MCC: variants seen among roughly 807,000 people sequenced by gnomAD.
MCC encodes the protein colorectal mutant cancer protein.
A neutral mutation model predicts 116.2 loss-of-function variants in MCC; 90 were observed. The ratio of observed to expected loss-of-function variants is 0.77; its 90% CI spans 0.65 to 0.92. The LOEUF (loss-of-function observed/expected upper bound fraction) is 0.92, where lower values mean the gene tolerates loss of function less well. Among genes scored for constraint, MCC ranks in the 40% least tolerant of loss-of-function variants. MCC has a pLI of 0.00. For missense variants in MCC, 1,516 were observed against 1,312.2 expected, an observed-to-expected ratio of 1.16 and a Z score of -2.40; for synonymous variants, 578 against 510.5, an observed-to-expected ratio of 1.13 and a Z score of -1.78.
Position 113,148,485 on chromosome 5 carries a change from A to G in MCC, c.741+2824T>C, listed in dbSNP as rs1759658274. Among the ~76,000 whole-genome samples the G allele has an allele frequency of 3.3e-5, 5 of 152,236 alleles. 1 individual carries two copies. The South Asian group carries it at 1.0e-3, about 32-fold the overall frequency. On this transcript the variant is annotated intron_variant, in intron 4 of 18. Coordinates refer to ENST00000408903, the MANE Select transcript of MCC (RefSeq NM_001085377.2). ...CAGCTCTCTTGGTAATGTCTGTTGA[A>G]CATAACCACCATTTACATTTTACAT...
intron 1 of MCC, among the ~76,000 whole-genome samples, chr5:113,417,729 G>A (rs1770194807): frequency 6.6e-6 from 1 of 152,118 alleles, no homozygotes; most frequent in African/African-American, 2.4e-5. Flanking sequence ...AGGAGTTTGA[G>A]ACCAGCCTGG....
intron 3 of MCC, among the ~76,000 whole-genome samples, chr5:113,277,470 A>G (rs761821559): frequency 2.6e-5 from 4 of 152,024 alleles, no homozygotes; most frequent in Non-Finnish European, 5.9e-5. Flanking sequence ...CACTATTTTT[A>G]TGATCATGCC....
At chr5:113,462,657 CTTT>C (rs1262365244) in intron 1 of MCC, among the ~76,000 whole-genome samples, 2 of 152,172 alleles carry the variant, frequency 1.3e-5, no homozygotes, top group Non-Finnish European at 2.9e-5. Context: ...CAAAAAATAA[CTTT>C]TTATGTTCAT....
chr5:113,056,685 C>A (rs1209078860), intron 14 of MCC, among the ~76,000 whole-genome samples: 1 of 152,050 alleles, frequency 6.6e-6, no homozygotes, highest in African/African-American at 2.4e-5. Context: ...CATGAGTTTA[C>A]CTATGTAACA....
intron 5 of MCC, among the ~76,000 whole-genome samples, chr5:113,125,226 A>G (rs1757975295): frequency 6.6e-6 from 1 of 152,234 alleles, no homozygotes; most frequent in South Asian, 2.1e-4. Context: ...TGGAAAGTCT[A>G]GGAATTCAGA....
At chr5:113,361,618 T>C (rs1768550276) in intron 2 of MCC, among the ~76,000 whole-genome samples, 1 of 152,220 alleles carries the variant, frequency 6.6e-6, no homozygotes, top group African/African-American at 2.4e-5. Flanking sequence ...CCCAGATAGC[T>C]GGTAAAACAT....
chr5:113,077,744 G>T (rs1392281983), intron 11 of MCC, among the ~76,000 whole-genome samples: 2 of 152,064 alleles, frequency 1.3e-5, no homozygotes, highest in Non-Finnish European at 2.9e-5. Context: ...ACAATTAAAA[G>T]AATTAGAAAA....
intron 14 of MCC, among the ~76,000 whole-genome samples, chr5:113,059,829 G>A (rs946010720): frequency 3.3e-5 from 5 of 152,294 alleles, no homozygotes; most frequent in South Asian, 2.1e-4. Flanking sequence ...TGGCTGGTTC[G>A]GGACGGTTCG....
chr5:113,354,218 C>T (rs545472938), intron 2 of MCC, among the ~76,000 whole-genome samples: 1 of 152,228 alleles, frequency 6.6e-6, no homozygotes, highest in Non-Finnish European at 1.5e-5. Context: ...CAATTGAATG[C>T]TCTGTTGCAC....
chr5:113,105,923 C>T (rs1756703437), intron 6 of MCC, among the ~76,000 whole-genome samples: 1 of 152,200 alleles, frequency 6.6e-6, no homozygotes, highest in South Asian at 2.1e-4. Context: ...TCAGTTCAGG[C>T]TGCACCATGT....
rs774235330 is a variant in MCC at position 113,068,150 on chromosome 5, CAGG to C, written c.1956_1958del (p.Leu653del). The C allele has an allele frequency of 7.4e-6, 12 of 1,614,196 alleles. No homozygotes were observed. Among genetic ancestry groups the C allele is most frequent in the South Asian group, 1.1e-5 (1 of 91,078 alleles). ...GGCTCTGCTCACTCTCTGCCAGCGC[CAGG>C]AGGAGTTCGTAGGCTTCGATGCACT... On this transcript the variant is annotated inframe_deletion, in exon 13 of 19. Transcript: ENST00000408903.
chr5:113,297,725 C>T (rs1057226762), intron 3 of MCC, among the ~76,000 whole-genome samples: 37 of 130,684 alleles, frequency 2.8e-4, no homozygotes, highest in Non-Finnish European at 4.3e-4. Flanking sequence ...GCACTCCACC[C>T]TGGGTGACAG....
intron 11 of MCC, among the ~76,000 whole-genome samples, chr5:113,073,428 T>C (rs4705540): frequency 0.99 from 151,356 of 152,326 alleles, 75,208 homozygotes; most frequent in Non-Finnish European, 1. Context: ...AGATCTTGTT[T>C]TTCCACATTC....
chr5:113,113,349 G>A (rs573508227), intron 6 of MCC, among the ~76,000 whole-genome samples: 182 of 152,204 alleles, frequency 1.2e-3, no homozygotes, highest in African/African-American at 4.2e-3. Flanking sequence ...TAATTCCATC[G>A]AGGAACAAAC....
chr5:113,130,904 C>G (rs961623847), intron 5 of MCC, among the ~76,000 whole-genome samples: 5 of 152,176 alleles, frequency 3.3e-5, no homozygotes, highest in African/African-American at 1.2e-4. Flanking sequence ...TCTAGTAACA[C>G]AAAGGGACTA....
rs899759333 is a variant in MCC at position 113,207,354 on chromosome 5, A to G, written c.628-55932T>C. Among the ~76,000 whole-genome samples, 37 of 151,524 alleles carry G rather than the reference A, an allele frequency of 2.4e-4. 1 individual carries two copies. The highest frequency in any genetic ancestry group is 9.0e-4 in the African/African-American group (37 of 41,294). ...GTCTGGTTCATGGTAAGCATCCAGT[A>G]CGTATTAGCTATTTTTATTAGCATT... On this transcript the variant is annotated intron_variant, in intron 3 of 18. Transcript: ENST00000408903.
intron 3 of MCC, among the ~76,000 whole-genome samples, chr5:113,247,380 G>T (rs918742983): frequency 6.6e-6 from 1 of 152,178 alleles, no homozygotes; most frequent in Non-Finnish European, 1.5e-5. Flanking sequence ...GATGGCTCAT[G>T]ATACATTTAA....
chr5:113,061,786 G>A (rs755194276), intron 14 of MCC, among the ~76,000 whole-genome samples: 1 of 152,196 alleles, frequency 6.6e-6, no homozygotes, highest in Non-Finnish European at 1.5e-5. Flanking sequence ...TTGAAGCTGG[G>A]TGGTTACAGC....
intron 3 of MCC, among the ~76,000 whole-genome samples, chr5:113,180,084 C>T (rs534610803): frequency 1.2e-3 from 187 of 152,276 alleles, no homozygotes; most frequent in African/African-American, 4.3e-3. Context: ...GGCCCGACAG[C>T]CTCCTCCCCC....
Sources: allele counts gnomAD v4.1 joint callset (sites outside exome capture counted in the v4.1 genomes callset), GRCh38; gene constraint gnomAD v4.1.1; transcripts MANE v1.5; gene names NCBI Gene and HGNC (gene_info 2026-07-23, HGNC 2026-07-21).